Variants in NAV3 observed in about 807,000 individuals in gnomAD.
NAV3 encodes neuron navigator 3.
In NAV3, 87 loss-of-function variants were observed where a neutral mutation model predicts 244.7. The ratio of observed to expected loss-of-function variants is 0.36; its 90% CI spans 0.30 to 0.42. The LOEUF is 0.42. NAV3 is among the 20% of genes least tolerant of loss of function. The probability of loss-of-function intolerance (pLI) is 1.00; values close to 1 mark genes in which losing one functional copy is unlikely to be tolerated. For synonymous variants in NAV3, 1,126 were observed against 1,042.2 expected (o/e 1.08, Z -1.55); for missense variants, 2,663 against 2,893.3 (o/e 0.92, Z 1.83).
In NAV3 at chr12:77,878,509, G is replaced by A. The variant is rs913960994; in HGVS notation, c.243+46805G>A. On this transcript the variant is annotated intron_variant, in intron 1 of 39. Transcript: ENST00000397909. Reference sequence around the variant, plus strand: ...CTCCCAAAGTGCTGGGGTTACAGGCGTGAACCACCACACCCAGCCAGTAAT... The same window carrying A: ...CTCCCAAAGTGCTGGGGTTACAGGCATGAACCACCACACCCAGCCAGTAAT... Among the ~76,000 whole-genome samples the A allele has an allele frequency of 3.6e-4, 55 of 152,072 alleles. 1 individual carries two copies. The highest frequency in any genetic ancestry group is 6.8e-3 in the Middle Eastern group (2 of 294).
chr12:77,885,497 A>G (rs1883177919), intron 1 of NAV3, among the ~76,000 whole-genome samples: 1 of 152,130 alleles, frequency 6.6e-6, no homozygotes, highest in Non-Finnish European at 1.5e-5. Context: ...CCCACATAAA[A>G]ATAAAAGTTG....
At chr12:77,852,722 A>T (rs891107299) in intron 1 of NAV3, among the ~76,000 whole-genome samples, 4 of 152,232 alleles carry the variant, frequency 2.6e-5, no homozygotes, top group Admixed American at 6.5e-5. Flanking sequence ...ATGAATTTGT[A>T]GAAAATGAAC....
At chr12:77,893,878 T>C (rs1239140203) in intron 1 of NAV3, among the ~76,000 whole-genome samples, 2 of 152,222 alleles carry the variant, frequency 1.3e-5, no homozygotes, top group Non-Finnish European at 2.9e-5. Context: ...GTACTACTTA[T>C]ATATTGCTCT....
Position 78,197,231 on chromosome 12 carries a change from C to T in NAV3, c.6292-16C>T, listed in dbSNP as rs765337793. The T allele has an allele frequency of 3.3e-6, 5 of 1,508,494 alleles. No individual in the cohort carries two copies. The highest frequency in any genetic ancestry group is 1.4e-5 in the African/African-American group (1 of 71,062). 93.4% of individuals were successfully genotyped at this position (1,508,494 alleles called of 1,614,324 possible). On this transcript the variant is annotated splice_polypyrimidine_tract_variant and intron_variant, in intron 34 of 39. Coordinates refer to ENST00000397909, the MANE Select transcript of NAV3 (RefSeq NM_001024383.2). ...AATTTATCACTGACGTATCTGTTTT[C>T]TTCATTTTTTAAAAGGAATTGCAAC...
At chr12:78,171,791 G>A (rs1484960935) in intron 24 of NAV3, among the ~76,000 whole-genome samples, 3 of 151,392 alleles carry the variant, frequency 2.0e-5, no homozygotes, top group Non-Finnish European at 4.4e-5. Context: ...AAATATTTCT[G>A]TAATATATAT....
At chr12:77,977,931 G>T (rs1868816551) in intron 5 of NAV3, among the ~76,000 whole-genome samples, 1 of 4,904 alleles carries the variant, frequency 2.0e-4, no homozygotes, top group African/African-American at 2.2e-4. Flanking sequence ...ATCACTGTAT[G>T]CCAGTTACGT....
chr12:78,000,736 C>T (rs1399678923), intron 7 of NAV3, among the ~76,000 whole-genome samples: 1 of 150,516 alleles, frequency 6.6e-6, no homozygotes, highest in Non-Finnish European at 1.5e-5. Flanking sequence ...ATCTCCTGAC[C>T]TCGTGATCCG....
chr12:77,741,148 C>CAAAAAAAAAAAAAAAAAAGAAAAAAAA (rs1868325681), intron 2 of NAV3, among the ~76,000 whole-genome samples: 1 of 68,668 alleles, frequency 1.5e-5, no homozygotes, highest in Non-Finnish European at 2.7e-5. Context: ...AAAAAAAAGA[C>CAAAAAAAAAAAAAAAAAAGAAAAAAAA]AAAAAAAAAA....
At chr12:77,945,388 C>T (rs1890242723) in intron 3 of NAV3, among the ~76,000 whole-genome samples, 1 of 151,992 alleles carries the variant, frequency 6.6e-6, no homozygotes, top group Admixed American at 6.6e-5. Context: ...GATACGGATA[C>T]TTGAAAAAAG....
chr12:77,600,661 A>T (rs1408982070), intron 2 of NAV3, among the ~76,000 whole-genome samples: 1 of 151,948 alleles, frequency 6.6e-6, no homozygotes, highest in Non-Finnish European at 1.5e-5. Flanking sequence ...CAAGGATCTA[A>T]AGGAAAAGCA....
chr12:77,811,726 A>T (rs933161367), intron 2 of NAV3, among the ~76,000 whole-genome samples: 1 of 152,220 alleles, frequency 6.6e-6, no homozygotes, highest in African/African-American at 2.4e-5. Flanking sequence ...TCTTAAGACA[A>T]TGGCATTAAA....
chr12:77,889,808 G>C (rs377403658), intron 1 of NAV3, among the ~76,000 whole-genome samples: 3 of 152,124 alleles, frequency 2.0e-5, no homozygotes, highest in African/African-American at 7.2e-5. Context: ...TTGAAGACTA[G>C]CATATTTTAG....
intron 2 of NAV3, among the ~76,000 whole-genome samples, chr12:77,604,750 A>G (rs917051755): frequency 6.6e-6 from 1 of 151,988 alleles, no homozygotes; most frequent in Non-Finnish European, 1.5e-5. Flanking sequence ...TTGTGCCCTT[A>G]TTTAGATAGC....
At chr12:77,896,112 C>T (rs928316452) in intron 1 of NAV3, among the ~76,000 whole-genome samples, 5 of 152,072 alleles carry the variant, frequency 3.3e-5, no homozygotes, top group Admixed American at 1.3e-4. Flanking sequence ...TCTAATACCA[C>T]TAACCACAAT....
At chr12:77,602,553 A>G (rs1056150827) in intron 2 of NAV3, among the ~76,000 whole-genome samples, 6 of 151,956 alleles carry the variant, frequency 3.9e-5, no homozygotes, top group Non-Finnish European at 7.4e-5. Flanking sequence ...GCAGAGATCT[A>G]AAGGATAACA....
chr12:78,098,463 A>C (rs1368418656), intron 12 of NAV3, among the ~76,000 whole-genome samples: 3 of 151,930 alleles, frequency 2.0e-5, no homozygotes, highest in African/African-American at 7.2e-5. Flanking sequence ...TAAGTAAACC[A>C]CAATAATAAA....
chr12:77,945,694 T>G (rs1306419267), intron 3 of NAV3, among the ~76,000 whole-genome samples: 1 of 152,068 alleles, frequency 6.6e-6, no homozygotes, highest in African/African-American at 2.4e-5. Flanking sequence ...TAGATAATAT[T>G]AATGTGCTTG....
At chr12:77,873,596 C>A (rs1449911135) in intron 1 of NAV3, among the ~76,000 whole-genome samples, 2 of 147,124 alleles carry the variant, frequency 1.4e-5, no homozygotes, top group South Asian at 2.2e-4. Flanking sequence ...TTTACTATTT[C>A]TTTTCCTAGA....
chr12:78,189,055 A>C (rs1455859408), intron 33 of NAV3, among the ~76,000 whole-genome samples: 1 of 151,796 alleles, frequency 6.6e-6, no homozygotes, highest in Non-Finnish European at 1.5e-5. Context: ...AAATTTCTGG[A>C]TTTTCTTCAT....
Sources: allele counts gnomAD v4.1 joint callset (sites outside exome capture counted in the v4.1 genomes callset), GRCh38; gene constraint gnomAD v4.1.1; transcripts MANE v1.5; gene names NCBI Gene and HGNC (gene_info 2026-07-23, HGNC 2026-07-21).